The following MARCHF1 variants were observed in gnomAD, a reference collection of about 807,000 sequenced individuals.
MARCHF1 encodes the protein membrane associated ring-CH-type finger 1.
In MARCHF1, 40 loss-of-function variants were observed where a neutral mutation model predicts 54.2. The ratio of observed to expected loss-of-function variants is 0.74; its 90% CI spans 0.57 to 0.96. The LOEUF (loss-of-function observed/expected upper bound fraction) is 0.96. MARCHF1 is among the 40% of genes least tolerant of loss of function. MARCHF1 has a pLI of 0.00. For missense variants in MARCHF1, 586 were observed against 656.5 expected, an observed-to-expected ratio of 0.89 and a Z score of 1.17; for synonymous variants, 236 against 236.3, an observed-to-expected ratio of 1.00 and a Z score of 0.01.
At chr4:164,211,317 G>T (rs1237119689) in intron 1 of MARCHF1, among the ~76,000 whole-genome samples, 1 of 101,514 alleles carries the variant, frequency 9.9e-6, no homozygotes. Flanking sequence ...ACCTGCATAT[G>T]TGTATGTATG....
intron 1 of MARCHF1, among the ~76,000 whole-genome samples, chr4:164,168,663 T>TACACACAC (rs3059785): frequency 3.5e-3 from 519 of 147,156 alleles, no homozygotes; most frequent in Middle Eastern, 0.01. Context: ...TTATGTGGAA[T>TACACACAC]ACACACACAC....
At position 163,712,973 on chromosome 4, in the gene MARCHF1, A is replaced by C. The variant is rs144572842; in HGVS notation, c.112-12110T>G. On this transcript the variant is annotated intron_variant, in intron 4 of 9. Transcript: ENST00000514618. The stretch of plus-strand genomic sequence containing the variant: ...TGCAAATTTCATACACCATGAAAAA[A>C]ATCAACACAGCTGAATTGTTTCTAT... Among the ~76,000 whole-genome samples, 259 of 152,270 alleles carry C rather than the reference A, an allele frequency of 1.7e-3. 2 individuals carry two copies. Among genetic ancestry groups the C allele is most frequent in the African/African-American group, 6.1e-3 (252 of 41,550 alleles).
chr4:163,689,547 C>G (rs1199287249), intron 5 of MARCHF1, among the ~76,000 whole-genome samples: 1 of 152,144 alleles, frequency 6.6e-6, no homozygotes, highest in Non-Finnish European at 1.5e-5. Flanking sequence ...ATAATTGCAA[C>G]TAGTTTGAAT....
intron 1 of MARCHF1, among the ~76,000 whole-genome samples, chr4:164,209,289 C>T (rs1270073432): frequency 6.6e-6 from 1 of 152,112 alleles, no homozygotes; most frequent in Non-Finnish European, 1.5e-5. Context: ...ATTTATAGCT[C>T]TACCACTTGG....
intron 1 of MARCHF1, among the ~76,000 whole-genome samples, chr4:164,236,275 T>G (rs568157803): frequency 6.6e-6 from 1 of 152,270 alleles, no homozygotes; most frequent in East Asian, 1.9e-4. Flanking sequence ...TTTCCATTAA[T>G]AAATCAATAT....
At chr4:163,725,678 C>T (rs1745631153) in intron 4 of MARCHF1, among the ~76,000 whole-genome samples, 1 of 152,110 alleles carries the variant, frequency 6.6e-6, no homozygotes, top group African/African-American at 2.4e-5. Context: ...AACAGCATGT[C>T]AGGGCACAGA....
intron 3 of MARCHF1, among the ~76,000 whole-genome samples, chr4:163,890,811 C>T (rs956508049): frequency 3.9e-5 from 6 of 152,018 alleles, no homozygotes; most frequent in African/African-American, 1.5e-4. Flanking sequence ...AACCCGGCCT[C>T]CCCAGTATAA....
intron 3 of MARCHF1, among the ~76,000 whole-genome samples, chr4:163,960,046 T>C (rs1386084706): frequency 6.6e-6 from 1 of 151,856 alleles, no homozygotes; most frequent in Non-Finnish European, 1.5e-5. Context: ...CCAACAAGCA[T>C]ATGGAAAAAA....
chr4:163,872,950 A>G (rs937002457), intron 3 of MARCHF1, among the ~76,000 whole-genome samples: 6 of 152,092 alleles, frequency 3.9e-5, no homozygotes, highest in Non-Finnish European at 8.8e-5. Context: ...AGGCTGAGGC[A>G]GGAGAATGGC....
At chr4:163,711,884 A>T (rs932121541) in intron 4 of MARCHF1, among the ~76,000 whole-genome samples, 2 of 152,194 alleles carry the variant, frequency 1.3e-5, no homozygotes, top group African/African-American at 4.8e-5. Context: ...CTAGACCCCG[A>T]TGGATAAAAG....
chr4:164,020,254 G>A (rs1415599124), intron 2 of MARCHF1, among the ~76,000 whole-genome samples: 1 of 152,118 alleles, frequency 6.6e-6, no homozygotes, highest in Non-Finnish European at 1.5e-5. Context: ...CATTTGTCTA[G>A]AGCTGGCAGT....
At chr4:164,156,382 C>T (rs1315858127) in intron 1 of MARCHF1, among the ~76,000 whole-genome samples, 1 of 151,834 alleles carries the variant, frequency 6.6e-6, no homozygotes, top group Non-Finnish European at 1.5e-5. Flanking sequence ...GGAATGGAGT[C>T]CATAGAGAAA....
chr4:163,635,444 C>G (rs1343882038), intron 5 of MARCHF1, among the ~76,000 whole-genome samples: 1 of 149,086 alleles, frequency 6.7e-6, no homozygotes, highest in South Asian at 2.1e-4. Context: ...TACAAACTAC[C>G]ATCAGAGAAT....
At chr4:163,893,829 G>A (rs1026909506) in intron 3 of MARCHF1, among the ~76,000 whole-genome samples, 1 of 152,118 alleles carries the variant, frequency 6.6e-6, no homozygotes, top group Non-Finnish European at 1.5e-5. Context: ...ATTACAGCCT[G>A]CAAGAGTAAG....
intron 5 of MARCHF1, among the ~76,000 whole-genome samples, chr4:163,650,876 G>A (rs192621141): frequency 1.2e-3 from 182 of 151,970 alleles, no homozygotes; most frequent in Non-Finnish European, 1.4e-3. Context: ...GTAGAAAGAA[G>A]CACTATGTTG....
chr4:163,867,143 T>G (rs1047918057), intron 3 of MARCHF1, among the ~76,000 whole-genome samples: 2 of 151,902 alleles, frequency 1.3e-5, no homozygotes, highest in Admixed American at 6.6e-5. Context: ...TCCTAAGTCA[T>G]CTCATTAGTG....
At chr4:163,555,123 A>G (rs577878089) in intron 8 of MARCHF1, among the ~76,000 whole-genome samples, 12 of 152,232 alleles carry the variant, frequency 7.9e-5, no homozygotes, top group Non-Finnish European at 1.8e-4. Flanking sequence ...AAATGTTTGT[A>G]TATCTGTCCT....
At chr4:164,368,947 T>G (rs1730954973) in intron 1 of MARCHF1, among the ~76,000 whole-genome samples, 1 of 152,134 alleles carries the variant, frequency 6.6e-6, no homozygotes, top group Non-Finnish European at 1.5e-5. Flanking sequence ...ACACGGAAAC[T>G]TTAGAAAGAA....
intron 1 of MARCHF1, among the ~76,000 whole-genome samples, chr4:164,238,876 T>C (rs925345431): frequency 7.9e-5 from 12 of 152,090 alleles, no homozygotes; most frequent in African/African-American, 2.7e-4. Context: ...TATGTATTTC[T>C]ATAATTTCTT....
Sources: allele counts gnomAD v4.1 joint callset (sites outside exome capture counted in the v4.1 genomes callset), GRCh38; gene constraint gnomAD v4.1.1; transcripts MANE v1.5; gene names NCBI Gene and HGNC (gene_info 2026-07-23, HGNC 2026-07-21).